Variants in CADM2 observed in about 807,000 individuals in gnomAD.
CADM2 encodes the protein immunoglobulin superfamily member 4D.
A neutral mutation model predicts 49.8 loss-of-function variants in CADM2; 12 were observed. That is an observed-to-expected ratio of 0.24 (90% CI 0.15 to 0.39). The LOEUF (loss-of-function observed/expected upper bound fraction) is 0.39, where lower values mean the gene tolerates loss of function less well. CADM2 is among the 10% of genes least tolerant of loss of function. The pLI is 1.00. For missense variants in CADM2, 378 were observed against 492.3 expected, an observed-to-expected ratio of 0.77 and a Z score of 2.20; for synonymous variants, 214 against 175.4, an observed-to-expected ratio of 1.22 and a Z score of -1.74.
intron 1 of CADM2, among the ~76,000 whole-genome samples, chr3:85,711,958 G>T (rs1173647674): frequency 1.3e-5 from 2 of 152,154 alleles, no homozygotes; most frequent in African/African-American, 4.8e-5. Flanking sequence ...CTTACCTGTA[G>T]CGTAGTATGA....
intron 1 of CADM2, among the ~76,000 whole-genome samples, chr3:85,452,717 A>G (rs2037807140): frequency 1.3e-5 from 2 of 152,168 alleles, no homozygotes; most frequent in Admixed American, 1.3e-4. Flanking sequence ...AGAACTGTCA[A>G]GGGCAGTTCC....
intron 1 of CADM2, among the ~76,000 whole-genome samples, chr3:85,574,105 T>C (rs1009114329): frequency 3.9e-5 from 6 of 152,208 alleles, no homozygotes; most frequent in African/African-American, 1.2e-4. Context: ...CAGACTTTGT[T>C]AGGTTGAAGG....
At chr3:85,019,795 A>G (rs553815409) in intron 1 of CADM2, among the ~76,000 whole-genome samples, 21 of 152,312 alleles carry the variant, frequency 1.4e-4, no homozygotes, top group African/African-American at 5.1e-4. Context: ...TATCACTAAG[A>G]GAACAGTGTT....
At chr3:85,713,118 C>G (rs1189032169) in intron 1 of CADM2, among the ~76,000 whole-genome samples, 1 of 152,088 alleles carries the variant, frequency 6.6e-6, no homozygotes, top group African/African-American at 2.4e-5. Context: ...TTTCTGGAGA[C>G]GAGAGTTTAA....
chr3:85,506,049 A>G (rs1482023719), intron 1 of CADM2, among the ~76,000 whole-genome samples: 1 of 152,236 alleles, frequency 6.6e-6, no homozygotes, highest in East Asian at 1.9e-4. Context: ...GACAATTAAA[A>G]CTTGCATTAT....
intron 3 of CADM2, among the ~76,000 whole-genome samples, chr3:85,830,022 A>G (rs2074114665): frequency 6.6e-6 from 1 of 151,976 alleles, no homozygotes; most frequent in Non-Finnish European, 1.5e-5. Context: ...TGTCCTTTGG[A>G]TATACCCAAA....
rs1003235831 is a variant in CADM2, at chr3:84,982,786, C to G, written c.61+23118C>G. Among the ~76,000 whole-genome samples the G allele has an allele frequency of 2.5e-4, 35 of 140,384 alleles. No homozygotes were observed. In the Middle Eastern group the frequency reaches 0.013, roughly 50 times the overall value. 92.1% of individuals were successfully genotyped at this position (140,384 alleles called of 152,430 possible). ...TTTGAGACTTAGTCTTGCTCTATTG[C>G]CCAGGCTGGAGTGCAGTGATGTGAT... On this transcript the variant is annotated intron_variant, in intron 1 of 9. Transcript: ENST00000383699.
chr3:85,725,376 T>C (rs1252517964), intron 1 of CADM2, among the ~76,000 whole-genome samples: 1 of 151,870 alleles, frequency 6.6e-6, no homozygotes, highest in Admixed American at 6.6e-5. Context: ...TCATGTGTAG[T>C]TCATAATTAC....
intron 2 of CADM2, among the ~76,000 whole-genome samples, chr3:85,754,939 G>C (rs560933443): frequency 6.6e-6 from 1 of 152,128 alleles, no homozygotes; most frequent in African/African-American, 2.4e-5. Context: ...AAGGTAAAAC[G>C]TATTGATTTA....
intron 8 of CADM2, among the ~76,000 whole-genome samples, chr3:86,065,330 G>C (rs1420042021): frequency 5.9e-5 from 9 of 152,090 alleles, no homozygotes; most frequent in African/African-American, 2.2e-4. Context: ...AGGAAGGAAA[G>C]GTCTATAGCT....
rs71108298 is a variant in CADM2 at position 85,568,397 on chromosome 3, CTCTTTCTTTCTT to C, written c.62-158069_62-158058del. On this transcript the variant is annotated intron_variant, in intron 1 of 9. Transcript: ENST00000383699. ...GTTACCTACAATCTTTCCTTCCTCC[CTCTTTCTTTCTT>C]TCTTTCTTTCTTTCTTTCTTTCTTT... Among the ~76,000 whole-genome samples the C allele has an allele frequency of 5.7e-3, 295 of 52,030 alleles. 26 individuals carry two copies. The highest frequency in any genetic ancestry group is 0.026 in the Middle Eastern group (2 of 76). 34.1% of individuals were successfully genotyped at this position (52,030 alleles called of 152,430 possible).
chr3:85,214,808 G>C (rs1332470506), intron 1 of CADM2, among the ~76,000 whole-genome samples: 1 of 152,028 alleles, frequency 6.6e-6, no homozygotes, highest in Non-Finnish European at 1.5e-5. Flanking sequence ...TCTTCAGTCA[G>C]CTTGCAGTGA....
chr3:85,971,037 C>T (rs1726060712), intron 8 of CADM2, among the ~76,000 whole-genome samples: 1 of 151,442 alleles, frequency 6.6e-6, no homozygotes. Flanking sequence ...GGGTGGATTA[C>T]TGCAAAAAGT....
At chr3:85,035,805 T>A (rs1244157295) in intron 1 of CADM2, among the ~76,000 whole-genome samples, 2 of 152,170 alleles carry the variant, frequency 1.3e-5, no homozygotes, top group Non-Finnish European at 2.9e-5. Flanking sequence ...TGCCAGTATT[T>A]GATCATTACT....
At chr3:85,670,395 A>G (rs4476513) in intron 1 of CADM2, among the ~76,000 whole-genome samples, 58,376 of 151,928 alleles carry the variant, frequency 0.38, 12,316 homozygotes, top group East Asian at 0.54. Flanking sequence ...CATCTCAAAT[A>G]TCCCAAACCT....
chr3:85,207,831 A>G (rs1006306076), intron 1 of CADM2, among the ~76,000 whole-genome samples: 1 of 152,178 alleles, frequency 6.6e-6, no homozygotes, highest in Non-Finnish European at 1.5e-5. Flanking sequence ...AGGTTGATAA[A>G]CTGTATCTCT....
At chr3:85,124,720 C>T (rs999315778) in intron 1 of CADM2, among the ~76,000 whole-genome samples, 1 of 152,122 alleles carries the variant, frequency 6.6e-6, no homozygotes, top group Non-Finnish European at 1.5e-5. Context: ...CTTAGCCTAC[C>T]TAAAAGGTGC....
intron 1 of CADM2, among the ~76,000 whole-genome samples, chr3:85,530,048 C>T (rs1414356791): frequency 2.0e-5 from 3 of 152,030 alleles, no homozygotes; most frequent in Admixed American, 6.6e-5. Context: ...TCCCCATAAT[C>T]GCCATGTGCC....
At chr3:85,787,213 G>A (rs2071043928) in intron 2 of CADM2, among the ~76,000 whole-genome samples, 8 of 152,044 alleles carry the variant, frequency 5.3e-5, no homozygotes, top group Admixed American at 5.2e-4. Context: ...GAGTGAGGAG[G>A]ATGTGAGCAT....
Sources: allele counts gnomAD v4.1 joint callset (sites outside exome capture counted in the v4.1 genomes callset), GRCh38; gene constraint gnomAD v4.1.1; transcripts MANE v1.5; gene names NCBI Gene and HGNC (gene_info 2026-07-23, HGNC 2026-07-21).